Variants in SPATA7 observed in about 807,000 individuals in gnomAD.
The protein encoded by SPATA7 is spermatogenesis associated 7.
Under a neutral mutation model 51.8 loss-of-function variants are expected in SPATA7, and 43 were observed. The observed-to-expected ratio is 0.83, with a 90% CI of 0.65 to 1.07. SPATA7 has a LOEUF of 1.07. Ranked by LOEUF, SPATA7 falls within the 50% of genes least tolerant of loss-of-function variation. SPATA7 has a pLI of 0.00. For missense variants in SPATA7, 683 were observed against 701.3 expected, an observed-to-expected ratio of 0.97 and a Z score of 0.30; for synonymous variants, 230 against 252.8, an observed-to-expected ratio of 0.91 and a Z score of 0.86.
chr14:88,455,028 G>A (rs776824144), intron 3 of SPATA7: 2 of 455,440 alleles, frequency 4.4e-6, no homozygotes, highest in Non-Finnish European at 8.8e-6. Flanking sequence ...TTTAGATCTG[G>A]GTCAAGGCTC....
At chr14:88,424,619 A>G (rs1435881055) in intron 5 of SPATA7, among the ~76,000 whole-genome samples, 3 of 152,104 alleles carry the variant, frequency 2.0e-5, no homozygotes, top group Non-Finnish European at 4.4e-5. Flanking sequence ...TAATTGCCCT[A>G]TAGGATATTT....
intron 4 of SPATA7, among the ~76,000 whole-genome samples, chr14:88,403,945 TATTA>T: frequency 6.6e-6 from 1 of 152,344 alleles, no homozygotes; most frequent in African/African-American, 2.4e-5. Context: ...GTGATAGATG[TATTA>T]ATTATCTTGA....
At chr14:88,395,287 T>C (rs542522282) in intron 3 of SPATA7, among the ~76,000 whole-genome samples, 51 of 151,342 alleles carry the variant, frequency 3.4e-4, no homozygotes, top group African/African-American at 1.2e-3. Flanking sequence ...CTAATGTCTT[T>C]TAAATTTTTA....
chr14:88,388,797 A>G (rs536560154), intron 1 of SPATA7, among the ~76,000 whole-genome samples: 2 of 152,328 alleles, frequency 1.3e-5, no homozygotes, highest in East Asian at 3.9e-4. Flanking sequence ...GAATTACGGG[A>G]AAGTACTCAA....
rs552140389 is a variant in SPATA7, at chr14:88,444,304, G to A, written c.177+6401G>A. The stretch of plus-strand genomic sequence containing the variant: ...CTTCTTTTGAGAAGTGTCTGTTCAT[G>A]TCCTTTGCCCACTTTTTAATGGGGT... On this transcript the variant is annotated intron_variant, in intron 3 of 3. Coordinates refer to the SPATA7 transcript ENST00000554802. Among the ~76,000 whole-genome samples, 334 of 152,176 alleles carry A rather than the reference G, an allele frequency of 2.2e-3. 4 individuals are homozygous for A. The highest frequency in any genetic ancestry group is 7.5e-3 in the African/African-American group (312 of 41,516).
chr14:88,443,230 A>G (rs548680138), downstream of SPATA7, among the ~76,000 whole-genome samples: 3 of 152,278 alleles, frequency 2.0e-5, no homozygotes, highest in East Asian at 5.8e-4. Context: ...GGCGTGAGCC[A>G]CTGTGCCCAG....
Position 88,443,843 on chromosome 14 carries a change from A to G in SPATA7, c.177+5940A>G, listed in dbSNP as rs554310136. On this transcript the variant is annotated intron_variant, in intron 3 of 3. Coordinates refer to the SPATA7 transcript ENST00000554802. ...CTTTTTTATGGCTGCATAGTATTGC[A>G]TGGTGTGTATGTGCCACATTTTCTT... Among the ~76,000 whole-genome samples, 29 of 152,326 alleles carry G rather than the reference A, an allele frequency of 1.9e-4. No homozygotes were observed. In the South Asian group the frequency reaches 5.6e-3, roughly 29 times the overall value.
At chr14:88,446,703 C>A (rs1055088854) in intron 3 of SPATA7, among the ~76,000 whole-genome samples, 20 of 152,222 alleles carry the variant, frequency 1.3e-4, no homozygotes, top group African/African-American at 4.6e-4. Flanking sequence ...TCGTTGGTTT[C>A]AAAGAACATC....
rs756024060 is a variant in SPATA7 at position 88,453,297 on chromosome 14, G to C, written c.178-1763G>C. On this transcript the variant is annotated intron_variant, in intron 3 of 3. Coordinates refer to the SPATA7 transcript ENST00000554802. Reference sequence around the variant, plus strand: ...TTCTCTTTATACTCAGAAAGTTCAGGTTCCCCGTGTAGAAAGAAGAATGTA... The same window carrying C: ...TTCTCTTTATACTCAGAAAGTTCAGCTTCCCCGTGTAGAAAGAAGAATGTA... Among the ~76,000 whole-genome samples the C allele has an allele frequency of 3.9e-5, 6 of 152,176 alleles. No individual in the cohort carries two copies. The East Asian group carries it at 9.6e-4, about 24-fold the overall frequency.
chr14:88,394,027 G>C (rs1289399799), intron 3 of SPATA7, among the ~76,000 whole-genome samples: 1 of 152,046 alleles, frequency 6.6e-6, no homozygotes, highest in African/African-American at 2.4e-5. Context: ...TACAGCCCAT[G>C]AACTAAGAAT....
intron 1 of SPATA7, 102 bp from the exon 2 acceptor site, chr14:88,391,279 T>C (rs2075737002): frequency 9.7e-7 from 1 of 1,027,484 alleles, no homozygotes; most frequent in South Asian, 1.5e-5. Flanking sequence ...AAAGAAATTA[T>C]TTTGTGATAA....
intron 5 of SPATA7, among the ~76,000 whole-genome samples, chr14:88,424,550 T>C (rs2076736863): frequency 6.6e-6 from 1 of 152,192 alleles, no homozygotes; most frequent in Non-Finnish European, 1.5e-5. Context: ...TCTTTCTCCT[T>C]CCTCTGATCT....
chr14:88,463,438 T>C (rs1274409858), intron 4 of SPATA7, among the ~76,000 whole-genome samples: 2 of 152,192 alleles, frequency 1.3e-5, no homozygotes, highest in Non-Finnish European at 2.9e-5. Flanking sequence ...TTTCTGAGTC[T>C]TGGTTGCCAC....
At chr14:88,467,895 C>A (rs1013112697) in intron 4 of SPATA7, 1 of 567,624 alleles carries the variant, frequency 1.8e-6, no homozygotes, top group Non-Finnish European at 3.1e-6. Flanking sequence ...CCGGACAGAC[C>A]GGGGCAGGGC....
At chr14:88,431,500 GTAT>G (rs1381975127) in intron 9 of SPATA7, among the ~76,000 whole-genome samples, 1 of 152,072 alleles carries the variant, frequency 6.6e-6, no homozygotes, top group Non-Finnish European at 1.5e-5. Flanking sequence ...TTGAAACTAT[GTAT>G]TATTGTTAAC....
intron 4 of SPATA7, among the ~76,000 whole-genome samples, chr14:88,414,265 T>A (rs2139952365): frequency 6.6e-6 from 1 of 152,230 alleles, no homozygotes; most frequent in East Asian, 1.9e-4. Context: ...AGGGTTTCAA[T>A]TTCTTCTGAA....
At chr14:88,451,505 T>A (rs2077250881) in intron 3 of SPATA7, among the ~76,000 whole-genome samples, 1 of 151,238 alleles carries the variant, frequency 6.6e-6, no homozygotes, top group Non-Finnish European at 1.5e-5. Flanking sequence ...CACTGGAGAT[T>A]TTTCCATTCA....
At position 88,403,150 on chromosome 14, in the gene SPATA7, A is replaced by G. The variant is rs982784998; in HGVS notation, c.238+6947A>G. ...ATCACTCACACCTGTGAGAATGGCTATCAAAAAGACAACATGTAACAAGTG... is the reference window on the plus strand; with the variant it reads ...ATCACTCACACCTGTGAGAATGGCTGTCAAAAAGACAACATGTAACAAGTG... On this transcript the variant is annotated intron_variant, in intron 4 of 11. Transcript: ENST00000393545. Among the ~76,000 whole-genome samples, 7 of 152,194 alleles carry G rather than the reference A, an allele frequency of 4.6e-5. No individual in the cohort carries two copies. The South Asian group carries it at 1.0e-3, about 22-fold the overall frequency.
intron 10 of SPATA7, among the ~76,000 whole-genome samples, chr14:88,434,973 G>T (rs958112933): frequency 2.6e-5 from 4 of 152,170 alleles, no homozygotes; most frequent in African/African-American, 7.2e-5. Flanking sequence ...TTAAGAAACT[G>T]TTGATACATT....
Sources: allele counts gnomAD v4.1 joint callset (sites outside exome capture counted in the v4.1 genomes callset), GRCh38; gene constraint gnomAD v4.1.1; transcripts MANE v1.5; gene names NCBI Gene and HGNC (gene_info 2026-07-23, HGNC 2026-07-21).